Variants in PADI4 observed in about 807,000 individuals in gnomAD.
PADI4 encodes peptidyl arginine deiminase 4.
In PADI4, 62 loss-of-function variants were observed where a neutral mutation model predicts 75.0. The observed-to-expected ratio is 0.83, with a 90% CI of 0.67 to 1.02. The LOEUF is 1.02. PADI4 is among the 50% of genes least tolerant of loss of function. PADI4 has a pLI of 0.00. For synonymous variants in PADI4, 361 were observed against 348.1 expected (o/e 1.04, Z -0.41); for missense variants, 845 against 850.5 (o/e 0.99, Z 0.08).
At chr1:17,353,487 T>C (rs34871124) in intron 10 of PADI4, among the ~76,000 whole-genome samples, 1,891 of 152,154 alleles carry the variant, frequency 0.012, 18 homozygotes, top group Middle Eastern at 0.031. Flanking sequence ...CCTGGGCACA[T>C]AATTTGGCGT....
chr1:17,309,157 AAAC>A (rs1477620277), intron 1 of PADI4, among the ~76,000 whole-genome samples: 3 of 89,022 alleles, frequency 3.4e-5, no homozygotes, highest in Non-Finnish European at 4.7e-5. Context: ...AAAAAAAAAA[AAAC>A]AATTTTCCCT....
chr1:17,354,844 C>A (rs79100767), intron 11 of PADI4, among the ~76,000 whole-genome samples, 157 bp downstream of exon 11: 1 of 152,154 alleles, frequency 6.6e-6, no homozygotes, highest in African/African-American at 2.4e-5. Context: ...GTGAGGAATG[C>A]GGGCTTTGGA....
At chr1:17,324,156 T>TG (rs1299914496) in intron 1 of PADI4, among the ~76,000 whole-genome samples, 2 of 96,108 alleles carry the variant, frequency 2.1e-5, no homozygotes, top group Middle Eastern at 5.4e-3. Context: ...GTTTTTTTTG[T>TG]TTTTTTTTTT....
rs1316674951 is a variant in PADI4 at position 17,346,794 on chromosome 1, C to T, written c.1047+655C>T. The stretch of plus-strand genomic sequence containing the variant: ...CGGTGCTGTCTCTTGGACCCATCTC[C>T]CCATTCCCATCCCCCATCTCCAATC... On this transcript the variant is annotated intron_variant, in intron 9 of 15. Coordinates refer to ENST00000375448, the MANE Select transcript of PADI4 (RefSeq NM_012387.3). This position sits in a 1 kb window ranked among gnomAD's most constrained non-coding sequence, Gnocchi z 4.3. Among the ~76,000 whole-genome samples the T allele has an allele frequency of 6.6e-6, 1 of 152,114 alleles. No individual in the cohort carries two copies. Among genetic ancestry groups the T allele is most frequent in the African/African-American group, 2.4e-5 (1 of 41,420 alleles).
intron 4 of PADI4, among the ~76,000 whole-genome samples, chr1:17,337,298 T>C (rs1445571271): frequency 6.6e-6 from 1 of 152,122 alleles, no homozygotes; most frequent in Admixed American, 6.5e-5. Context: ...GGTGCATGCC[T>C]CCACGCCCAG....
intron 1 of PADI4, among the ~76,000 whole-genome samples, chr1:17,309,173 A>G (rs57042151): frequency 0.055 from 140 of 2,530 alleles, no homozygotes; most frequent in East Asian, 0.5. Flanking sequence ...TTTTCCCTGG[A>G]AAAAAAAAAA....
chr1:17,323,472 A>G (rs2100682107), intron 1 of PADI4, among the ~76,000 whole-genome samples: 1 of 152,318 alleles, frequency 6.6e-6, no homozygotes, highest in South Asian at 2.1e-4. Context: ...TAGTTTCCTA[A>G]TTCTTTATAA....
intron 1 of PADI4, among the ~76,000 whole-genome samples, chr1:17,316,505 C>T (rs1445732953): frequency 7.9e-5 from 12 of 151,374 alleles, no homozygotes; most frequent in Admixed American, 7.9e-4. Flanking sequence ...CTGGCTAACA[C>T]AGTGAAACCC....
chr1:17,341,130 C>T (rs1316644921), intron 6 of PADI4, among the ~76,000 whole-genome samples: 5 of 143,784 alleles, frequency 3.5e-5, no homozygotes, highest in African/African-American at 7.8e-5. Context: ...GATGGAGTCT[C>T]TCTCTGTCGC....
At chr1:17,357,591 T>G (rs920903391) in intron 13 of PADI4, among the ~76,000 whole-genome samples, 2 of 152,222 alleles carry the variant, frequency 1.3e-5, no homozygotes, top group Non-Finnish European at 2.9e-5. Flanking sequence ...GTAGATATTT[T>G]TAATGTTGTC....
At chr1:17,335,418 G>C (rs1435341373) in intron 3 of PADI4, among the ~76,000 whole-genome samples, 1 of 152,172 alleles carries the variant, frequency 6.6e-6, no homozygotes, top group Non-Finnish European at 1.5e-5. Flanking sequence ...GGTTAGTGAA[G>C]GAGTCAGGAA....
chr1:17,332,807 T>G (rs1017106196), intron 2 of PADI4, among the ~76,000 whole-genome samples: 2 of 151,906 alleles, frequency 1.3e-5, no homozygotes, highest in Non-Finnish European at 2.9e-5. Context: ...CCAGGCAGGC[T>G]GGGGAGGGGG....
chr1:17,362,289 A>G (rs886575109), intron 15 of PADI4, among the ~76,000 whole-genome samples: 1 of 150,664 alleles, frequency 6.6e-6, no homozygotes, highest in African/African-American at 2.5e-5. Context: ...GGAGGTGGAC[A>G]CTGCAGTGAG....
rs561460281 is a variant in PADI4, at chr1:17,309,168, C to T, written c.92+854C>T. 3.5e-3 allele frequency among the ~76,000 whole-genome samples: 136 copies of T among 38,832 alleles called. 2 individuals carry two copies. The highest frequency in any genetic ancestry group is 6.5e-3 in the African/African-American group (127 of 19,542). 25.5% of individuals were successfully genotyped at this position (38,832 alleles called of 152,430 possible). On this transcript the variant is annotated intron_variant, in intron 1 of 15. Transcript: ENST00000375448. ...GTTAAAAAAAAAAAAAACAATTTTC[C>T]CTGGAAAAAAAAAAAAAAAAGAGCT...
At chr1:17,322,900 G>T (rs1440292665) in intron 1 of PADI4, among the ~76,000 whole-genome samples, 1 of 150,882 alleles carries the variant, frequency 6.6e-6, no homozygotes, top group African/African-American at 2.4e-5. Context: ...TATCTATACT[G>T]TGTAACAAAT....
At chr1:17,316,622 G>T (rs1346179938) in intron 1 of PADI4, among the ~76,000 whole-genome samples, 1 of 151,636 alleles carries the variant, frequency 6.6e-6, no homozygotes, top group Non-Finnish European at 1.5e-5. Flanking sequence ...CCTGGGAGGT[G>T]GAGCTTGCAG....
At chr1:17,361,446 C>T (rs1158155069) in intron 15 of PADI4, among the ~76,000 whole-genome samples, 1 of 152,208 alleles carries the variant, frequency 6.6e-6, no homozygotes, top group African/African-American at 2.4e-5. Flanking sequence ...GACTCTCTCC[C>T]AGGAGCTGGC....
chr1:17,354,091 A>AAAT (rs2100238913), intron 10 of PADI4, among the ~76,000 whole-genome samples: 1 of 151,522 alleles, frequency 6.6e-6, no homozygotes, highest in East Asian at 1.9e-4. Context: ...AAAAAAAAAA[A>AAAT]ATACAAAAAT....
In PADI4 at chr1:17,356,372, C is replaced by T; in HGVS notation, c.1471C>T (p.Leu491=). 6.2e-7 allele frequency: 1 copy of T among 1,609,048 alleles called. No homozygotes were observed. Among genetic ancestry groups the T allele is most frequent in the Non-Finnish European group, 8.5e-7 (1 of 1,177,276 alleles). ...CTGCCTCCAGGGCTTCCGGCTGCTC[C>T]TGGCCAGCCCCAGGTCCTGCTACAA... ...APDRKGFRLL[L]ASPRSCYKLF... Residue 491 remains leucine (L), a synonymous_variant, in exon 13 of 16, where the codon CTG becomes TTG. Coordinates refer to ENST00000375448, the MANE Select transcript of PADI4 (RefSeq NM_012387.3). The surrounding 1 kb of genome is among the most constrained non-coding windows in gnomAD (Gnocchi z 4.1).
Sources: gnomAD v4.1 joint callset for allele counts (sites outside exome capture counted in the v4.1 genomes callset) on GRCh38, gnomAD v4.1.1 for gene constraint, Gnocchi (gnomAD v3.1) non-coding constraint, MANE v1.5 for transcripts, NCBI Gene and HGNC (gene_info 2026-07-23, HGNC 2026-07-21) for gene names.